BRD10: variants seen among roughly 807,000 people sequenced by gnomAD.
The protein encoded by BRD10 is uncharacterized bromodomain-containing protein 10.
chr9:5,978,150 C>G, the BRD10 span, among the ~76,000 whole-genome samples: 68 of 151,670 alleles, frequency 4.5e-4, no homozygotes, highest in Non-Finnish European at 3.7e-4. Flanking sequence ...TGATGTTGCT[C>G]CTTACTGGGC....
the BRD10 span, among the ~76,000 whole-genome samples, chr9:5,956,263 T>C: frequency 6.6e-6 from 1 of 152,282 alleles, no homozygotes; most frequent in East Asian, 1.9e-4. Context: ...TAGCAGCTAC[T>C]CTATTTGAAT....
At chr9:5,990,429 G>C in the BRD10 span, among the ~76,000 whole-genome samples, 4 of 152,164 alleles carry the variant, frequency 2.6e-5, no homozygotes, top group African/African-American at 9.7e-5. Context: ...TAAGTACACA[G>C]AACACTGGGG....
chr9:5,959,589 C>T, the BRD10 span, among the ~76,000 whole-genome samples: 1 of 152,156 alleles, frequency 6.6e-6, no homozygotes, highest in East Asian at 1.9e-4. Context: ...AATCCTTTCA[C>T]TCTCTTTATA....
the BRD10 span, among the ~76,000 whole-genome samples, chr9:5,964,009 T>A: frequency 6.6e-6 from 1 of 151,914 alleles, no homozygotes; most frequent in African/African-American, 2.4e-5. Context: ...GGACTTCATG[T>A]CCAAAACACC....
the BRD10 span, among the ~76,000 whole-genome samples, chr9:5,934,182 C>G: frequency 6.6e-6 from 1 of 151,830 alleles, no homozygotes; most frequent in East Asian, 1.9e-4. Flanking sequence ...AAGAACAGTA[C>G]AAAACATATA....
chr9:5,938,217 G>A, the BRD10 span, among the ~76,000 whole-genome samples: 7 of 152,142 alleles, frequency 4.6e-5, no homozygotes, highest in African/African-American at 1.4e-4. Flanking sequence ...AAGGCAGGAG[G>A]ATCAATTGAG....
chr9:5,936,213 G>A, the BRD10 span, among the ~76,000 whole-genome samples: 3 of 152,062 alleles, frequency 2.0e-5, no homozygotes, highest in South Asian at 2.1e-4. Flanking sequence ...AAGATTAGCC[G>A]GCCATGGTAG....
the BRD10 span, chr9:5,922,299 C>A: frequency 6.2e-7 from 1 of 1,613,924 alleles, no homozygotes; most frequent in Non-Finnish European, 8.5e-7. Flanking sequence ...AGAGGCTGAC[C>A]TGTGGAGGAA....
At chr9:5,960,738 AT>A in the BRD10 span, among the ~76,000 whole-genome samples, 1 of 152,116 alleles carries the variant, frequency 6.6e-6, no homozygotes, top group Non-Finnish European at 1.5e-5. Flanking sequence ...AATTTTTAGA[AT>A]TTCTAATTCA....
the BRD10 span, chr9:5,924,660 G>T: frequency 6.7e-7 from 1 of 1,497,036 alleles, no homozygotes; most frequent in South Asian, 1.4e-5. Flanking sequence ...ATGCTTACCT[G>T]AATCAAAGTG....
the BRD10 span, among the ~76,000 whole-genome samples, chr9:5,939,528 A>C: frequency 6.6e-6 from 1 of 152,234 alleles, no homozygotes; most frequent in South Asian, 2.1e-4. Context: ...AGACATTCAC[A>C]AGTTCCATCA....
At chr9:5,968,327 T>A in the BRD10 span, 1 of 1,610,044 alleles carries the variant, frequency 6.2e-7, no homozygotes, top group Non-Finnish European at 8.5e-7. Flanking sequence ...TTTTAGAGTA[T>A]TTTCTTTTAA....
At chr9:5,964,436 G>C in the BRD10 span, among the ~76,000 whole-genome samples, 1 of 150,630 alleles carries the variant, frequency 6.6e-6, no homozygotes, top group African/African-American at 2.4e-5. Context: ...GGAGAAATAG[G>C]AACACTTTTA....
At chr9:5,992,459 T>C in the BRD10 span, among the ~76,000 whole-genome samples, 5 of 152,080 alleles carry the variant, frequency 3.3e-5, no homozygotes, top group African/African-American at 1.2e-4. Flanking sequence ...GATAAAAAAA[T>C]AAATTTACCT....
chr9:5,988,126 T>C, the BRD10 span, among the ~76,000 whole-genome samples: 8 of 152,212 alleles, frequency 5.3e-5, no homozygotes, highest in African/African-American at 1.4e-4. Context: ...TAGAAAGCAC[T>C]CTGAAATATT....
chr9:5,984,377 T>C, the BRD10 span, among the ~76,000 whole-genome samples: 10 of 152,296 alleles, frequency 6.6e-5, no homozygotes, highest in East Asian at 1.9e-3. Context: ...ACAGCATTAT[T>C]TGAAACTGAC....
chr9:5,941,596 T>G, the BRD10 span, among the ~76,000 whole-genome samples: 1 of 152,108 alleles, frequency 6.6e-6, no homozygotes, highest in Non-Finnish European at 1.5e-5. Flanking sequence ...TTCAGAAAAT[T>G]AAAAGCATTT....
chr9:5,942,772 A>G, the BRD10 span, among the ~76,000 whole-genome samples: 1 of 152,238 alleles, frequency 6.6e-6, no homozygotes, highest in Admixed American at 6.5e-5. Flanking sequence ...GGACAAGTTA[A>G]AAGTTTAGAG....
At chr9:5,988,439 G>C in the BRD10 span, 16 of 1,613,556 alleles carry the variant, frequency 9.9e-6, no homozygotes, top group Non-Finnish European at 1.4e-5. Context: ...GCCAAACTTC[G>C]CGGTGTTGAC....
Sources: allele counts gnomAD v4.1 joint callset (sites outside exome capture counted in the v4.1 genomes callset), GRCh38; gene constraint gnomAD v4.1.1; transcripts MANE v1.5; gene names NCBI Gene and HGNC (gene_info 2026-07-23, HGNC 2026-07-21).